Variants in CDC42BPA observed in about 807,000 individuals in gnomAD.
CDC42BPA encodes the protein serine/threonine-protein kinase MRCK alpha.
In CDC42BPA, 80 loss-of-function variants were observed where a neutral mutation model predicts 223.5. That is an observed-to-expected ratio of 0.36 (90% CI 0.30 to 0.43). The LOEUF is 0.43. CDC42BPA is among the 20% of genes least tolerant of loss of function. The pLI, the probability that CDC42BPA is intolerant of heterozygous loss-of-function variation, is 1.00. For missense variants in CDC42BPA, 1,743 were observed against 2,099.9 expected, an observed-to-expected ratio of 0.83 and a Z score of 3.32; for synonymous variants, 694 against 718.6, an observed-to-expected ratio of 0.97 and a Z score of 0.55.
intron 2 of CDC42BPA, among the ~76,000 whole-genome samples, chr1:227,246,222 A>G (rs1680919036): frequency 6.6e-6 from 1 of 152,246 alleles, no homozygotes; most frequent in South Asian, 2.1e-4. Context: ...CCTCCTCTGC[A>G]TGTGGAAAGG....
intron 2 of CDC42BPA, among the ~76,000 whole-genome samples, chr1:227,236,477 T>G (rs1679045791): frequency 6.6e-6 from 1 of 152,218 alleles, no homozygotes; most frequent in Non-Finnish European, 1.5e-5. Flanking sequence ...CTCATACAAG[T>G]TCCATCTATC....
intron 1 of CDC42BPA, among the ~76,000 whole-genome samples, 168 bp from the exon 2 acceptor site, chr1:227,254,323 A>G (rs2718208): frequency 5.9e-5 from 9 of 152,194 alleles, no homozygotes. Context: ...AATTTCCCTA[A>G]GAAAACAATA....
chr1:227,185,710 T>C (rs1047855131), intron 5 of CDC42BPA, among the ~76,000 whole-genome samples: 1 of 151,360 alleles, frequency 6.6e-6, no homozygotes, highest in Admixed American at 6.6e-5. Flanking sequence ...CTCTTGCCTA[T>C]TAAACTCCCT....
chr1:227,033,574 C>T (rs1380234616), intron 26 of CDC42BPA, among the ~76,000 whole-genome samples, 159 bp from the exon 27 acceptor site: 4 of 152,014 alleles, frequency 2.6e-5, no homozygotes, highest in Non-Finnish European at 4.4e-5. Flanking sequence ...ATTAATAGTG[C>T]CCCAAATAAT....
At chr1:227,120,340 C>G (rs1234006201) in intron 11 of CDC42BPA, among the ~76,000 whole-genome samples, 1 of 152,140 alleles carries the variant, frequency 6.6e-6, no homozygotes, top group Non-Finnish European at 1.5e-5. Flanking sequence ...GGTTTTGATT[C>G]TAACAGGGTG....
intron 12 of CDC42BPA, among the ~76,000 whole-genome samples, chr1:227,115,833 T>C (rs758909129): frequency 1.3e-5 from 2 of 151,320 alleles, no homozygotes; most frequent in African/African-American, 4.9e-5. Flanking sequence ...ACTCTTTCTA[T>C]GGACCAGTAT....
chr1:227,264,175 T>A (rs1684586908), intron 1 of CDC42BPA, among the ~76,000 whole-genome samples: 1 of 152,240 alleles, frequency 6.6e-6, no homozygotes, highest in South Asian at 2.1e-4. Context: ...TTGAATTTCA[T>A]CAGCAAACAT....
chr1:227,262,963 T>C (rs1273504878), intron 1 of CDC42BPA, among the ~76,000 whole-genome samples: 1 of 152,230 alleles, frequency 6.6e-6, no homozygotes, highest in Non-Finnish European at 1.5e-5. Flanking sequence ...CTGGGTGCAG[T>C]GGCTCATGCC....
intron 34 of CDC42BPA, among the ~76,000 whole-genome samples, chr1:227,010,008 G>A (rs1412665775): frequency 6.6e-6 from 1 of 152,122 alleles, no homozygotes; most frequent in Admixed American, 6.5e-5. Context: ...GACATTATGG[G>A]AAGTGGTTTG....
chr1:227,295,119 T>C (rs1212677369), intron 1 of CDC42BPA, among the ~76,000 whole-genome samples: 1 of 152,098 alleles, frequency 6.6e-6, no homozygotes, highest in Non-Finnish European at 1.5e-5. Flanking sequence ...TAGTATTACA[T>C]ACTAAGGAAA....
At chr1:227,188,415 A>G (rs200333792) in intron 5 of CDC42BPA, among the ~76,000 whole-genome samples, 6 of 2,324 alleles carry the variant, frequency 2.6e-3, no homozygotes, top group Non-Finnish European at 8.3e-3. Context: ...AGAGAGAGGG[A>G]AAAAAAAAAA....
At chr1:227,243,991 A>C (rs1680466299) in intron 2 of CDC42BPA, among the ~76,000 whole-genome samples, 2 of 149,938 alleles carry the variant, frequency 1.3e-5, no homozygotes, top group South Asian at 2.1e-4. Flanking sequence ...CAATACGGCC[A>C]CTCACTCACC....
chr1:227,202,044 C>T (rs951824629), intron 3 of CDC42BPA, among the ~76,000 whole-genome samples: 3 of 152,090 alleles, frequency 2.0e-5, no homozygotes, highest in Admixed American at 6.5e-5. Flanking sequence ...AGTGCAGTGG[C>T]GTGATCTCAG....
chr1:227,256,936 T>TACACACACACACAC (rs1354956767), intron 1 of CDC42BPA, among the ~76,000 whole-genome samples: 13 of 93,268 alleles, frequency 1.4e-4, no homozygotes, highest in Non-Finnish European at 2.4e-4. Flanking sequence ...CAAAATGTGA[T>TACACACACACACAC]ATATATATAC....
intron 34 of CDC42BPA, among the ~76,000 whole-genome samples, chr1:227,006,054 C>A (rs185503091): frequency 1.3e-5 from 2 of 152,284 alleles, no homozygotes; most frequent in East Asian, 3.9e-4. Context: ...CTTTATAAAT[C>A]CTGGAGAAGA....
chr1:227,028,911 T>C lies in CDC42BPA; in HGVS notation c.4178A>G (p.Gln1393Arg), dbSNP rs756976859. ...TCCTGACTGGAATCCCACACAGAGTTGTTCACTGAAGATTGCCATCCACTG... is the reference window on the plus strand; with the variant it reads ...TCCTGACTGGAATCCCACACAGAGTCGTTCACTGAAGATTGCCATCCACTG... ...NVQWMAIFSE[Q>R]LCVGFQSGFL... The change falls in exon 30 of 37, where the codon CAA becomes CGA. Residue 1393 changes from glutamine to arginine, a missense_variant. Physicochemically the swap from Gln to Arg is conservative, Grantham distance 43. Coordinates refer to ENST00000366766, the MANE Select transcript of CDC42BPA (RefSeq NM_001394014.1). 1.9e-6 allele frequency: 3 copies of C among 1,614,130 alleles called. No homozygotes were observed. The highest frequency in any genetic ancestry group is 1.7e-5 in the Admixed American group (1 of 60,028).
intron 1 of CDC42BPA, among the ~76,000 whole-genome samples, chr1:227,293,864 T>C (rs1028299600): frequency 1.3e-5 from 2 of 152,210 alleles, no homozygotes; most frequent in South Asian, 4.1e-4. Flanking sequence ...AAATAAGGGA[T>C]AAATGCTGCT....
At chr1:227,056,637 C>T (rs943940304) in intron 21 of CDC42BPA, among the ~76,000 whole-genome samples, 13 of 152,222 alleles carry the variant, frequency 8.5e-5, no homozygotes, top group Non-Finnish European at 1.5e-4. Context: ...GCGATTCTCC[C>T]GCCTTGGCCT....
At chr1:227,156,691 TGCA>T (rs993336149) in intron 6 of CDC42BPA, among the ~76,000 whole-genome samples, 28 of 152,192 alleles carry the variant, frequency 1.8e-4, no homozygotes, top group African/African-American at 6.5e-4. Context: ...ATATTACTCA[TGCA>T]TTCTGGAATT....
Sources: allele counts gnomAD v4.1 joint callset (sites outside exome capture counted in the v4.1 genomes callset), GRCh38; gene constraint gnomAD v4.1.1; transcripts MANE v1.5; gene names NCBI Gene and HGNC (gene_info 2026-07-23, HGNC 2026-07-21).